The following IGSF10 variants were observed in gnomAD, a reference collection of about 807,000 sequenced individuals.
The protein encoded by IGSF10 is immunoglobulin superfamily member 10.
A neutral mutation model predicts 128.2 loss-of-function variants in IGSF10; 126 were observed. The ratio of observed to expected loss-of-function variants is 0.98; its 90% CI spans 0.85 to 1.14. IGSF10 has a LOEUF of 1.14. Among genes scored for constraint, IGSF10 ranks in the 50% most tolerant of loss-of-function variants. The pLI, the probability that IGSF10 is intolerant of heterozygous loss-of-function variation, is 0.00. For missense variants in IGSF10, 3,295 were observed against 3,149.8 expected, an observed-to-expected ratio of 1.05 and a Z score of -1.10; for synonymous variants, 1,185 against 1,146.2, an observed-to-expected ratio of 1.03 and a Z score of -0.68.
chr3:151,457,193 C>CT, intron 3 of IGSF10, 38 bp from the exon 4 acceptor site: 1 of 1,605,556 alleles, frequency 6.2e-7, no homozygotes, highest in Non-Finnish European at 8.5e-7. Flanking sequence ...TAAGCTAAGT[C>CT]TGTCAACTAA....
chr3:151,470,862 C>T, the IGSF10 span, among the ~76,000 whole-genome samples: 7 of 152,140 alleles, frequency 4.6e-5, no homozygotes, highest in East Asian at 3.9e-4. Context: ...CAACCAAACC[C>T]GCATTTTTCA....
the IGSF10 span, among the ~76,000 whole-genome samples, chr3:151,539,658 C>A: frequency 1.3e-5 from 2 of 152,094 alleles, no homozygotes; most frequent in Non-Finnish European, 2.9e-5. Context: ...AATCCGACCA[C>A]CCCCACCTCC....
At chr3:151,522,783 AGGATGCCCT>A in the IGSF10 span, among the ~76,000 whole-genome samples, 1 of 152,154 alleles carries the variant, frequency 6.6e-6, no homozygotes, top group Non-Finnish European at 1.5e-5. Context: ...GCACAAGACC[AGGATGCCCT>A]CTTTTACCAC....
chr3:151,496,424 C>CACT, the IGSF10 span, among the ~76,000 whole-genome samples: 1 of 144,942 alleles, frequency 6.9e-6, no homozygotes, highest in Non-Finnish European at 1.5e-5. Context: ...GTTCAATTCC[C>CACT]TATGAGTGAG....
At chr3:151,498,380 T>C in the IGSF10 span, among the ~76,000 whole-genome samples, 2 of 151,646 alleles carry the variant, frequency 1.3e-5, no homozygotes, top group Admixed American at 6.6e-5. Context: ...TTTAGACCAA[T>C]ATCCCTGATG....
At chr3:151,470,873 G>C in the IGSF10 span, among the ~76,000 whole-genome samples, 3 of 152,130 alleles carry the variant, frequency 2.0e-5, no homozygotes, top group Non-Finnish European at 2.9e-5. Context: ...GCATTTTTCA[G>C]TAAGCAGACT....
the IGSF10 span, among the ~76,000 whole-genome samples, chr3:151,616,448 T>A: frequency 1.1e-4 from 16 of 152,324 alleles, no homozygotes; most frequent in Non-Finnish European, 8.8e-5. Context: ...TGGACATTCA[T>A]TAAGTAAAAA....
At chr3:151,538,402 T>C in the IGSF10 span, among the ~76,000 whole-genome samples, 3 of 152,158 alleles carry the variant, frequency 2.0e-5, no homozygotes, top group African/African-American at 7.2e-5. Flanking sequence ...TTCATTTGGT[T>C]TTTAATTCTC....
At chr3:151,484,875 A>C in the IGSF10 span, among the ~76,000 whole-genome samples, 1 of 152,200 alleles carries the variant, frequency 6.6e-6, no homozygotes, top group South Asian at 2.1e-4. Flanking sequence ...TGAAAATTCC[A>C]AAAACTGGAA....
At position 151,437,406 on chromosome 3, in the gene IGSF10, A is replaced by ACTT. The variant is rs749050566; in HGVS notation, c.7152_7154dup (p.Gln2384_Ser2385insArg). On this transcript the variant is annotated inframe_insertion, in exon 8 of 8. Transcript: ENST00000282466. ...CATTGCTTGCTATCAGATACTGATA[A>ACTT]CTTTGTGGTCCATTGGAAAATCGTG... is the stretch of plus-strand genomic sequence containing the variant. The ACTT allele has an allele frequency of 3.1e-6, 5 of 1,614,166 alleles. No homozygotes were observed. In the South Asian group the frequency reaches 5.5e-5, roughly 18 times the overall value.
Position 151,447,547 on chromosome 3 carries a change from T to C in IGSF10, c.2434A>G (p.Lys812Glu), listed in dbSNP as rs748675764. 1.2e-6 allele frequency: 2 copies of C among 1,614,186 alleles called. No individual in the cohort carries two copies. Among genetic ancestry groups the C allele is most frequent in the South Asian group, 2.2e-5 (2 of 91,088 alleles). The stretch of plus-strand genomic sequence containing the variant: ...GTCCTTGCTGGAAGGTTCAAAGCTT[T>C]AGTGGCCGGGACCATAAATTCCTCA... Reference protein sequence around the residue: ...LHEEFMVPATKALNLPARTVT... With the variant: ...LHEEFMVPATEALNLPARTVT... The change falls in exon 6 of 8, where the codon AAA becomes GAA. Residue 812 changes from lysine to glutamate, a missense_variant. Physicochemically the swap from Lys to Glu is moderately conservative, Grantham distance 56. Transcript: ENST00000282466.
the IGSF10 span, among the ~76,000 whole-genome samples, chr3:151,607,027 C>A: frequency 1.3e-5 from 2 of 152,192 alleles, no homozygotes; most frequent in Non-Finnish European, 2.9e-5. Context: ...CTCAGGCACA[C>A]TACTTCCCTG....
chr3:151,483,502 A>G, the IGSF10 span, among the ~76,000 whole-genome samples: 1 of 152,200 alleles, frequency 6.6e-6, no homozygotes, highest in Non-Finnish European at 1.5e-5. Context: ...GTAGAAAAGA[A>G]AAGAGGGGGG....
the IGSF10 span, among the ~76,000 whole-genome samples, chr3:151,556,660 C>T: frequency 1.3e-5 from 2 of 152,152 alleles, no homozygotes; most frequent in African/African-American, 4.8e-5. Flanking sequence ...GTACATAGCA[C>T]TGGAGAGTAA....
the IGSF10 span, among the ~76,000 whole-genome samples, chr3:151,595,790 A>G: frequency 0.27 from 39,954 of 150,338 alleles, 5,769 homozygotes; most frequent in South Asian, 0.53. Context: ...TAGGGGAAGG[A>G]GAAGGAGAAG....
rs770018336 is a variant in IGSF10 at position 151,438,180 on chromosome 3, T to C, written c.6381A>G (p.Lys2127=). Residue 2127 remains lysine, a synonymous_variant, in exon 8 of 8, where the codon AAA becomes AAG. Transcript: ENST00000282466. The part of the protein sequence containing the change: ...YTCYAQNTLG[K]DEMKVHLTVI... ...CTGTTAAGTGGACCTTCATTTCATCTTTCCCTAGGGTGTTCTGGGCATAGC... is the reference window on the plus strand; with the variant it reads ...CTGTTAAGTGGACCTTCATTTCATCCTTCCCTAGGGTGTTCTGGGCATAGC... 2.5e-6 allele frequency: 4 copies of C among 1,614,212 alleles called. No homozygotes were observed. Among genetic ancestry groups the C allele is most frequent in the Non-Finnish European group, 3.4e-6 (4 of 1,180,026 alleles).
At chr3:151,516,361 C>T in the IGSF10 span, among the ~76,000 whole-genome samples, 1 of 152,000 alleles carries the variant, frequency 6.6e-6, no homozygotes, top group Non-Finnish European at 1.5e-5. Context: ...CCCCACCTCC[C>T]CAGCCCCACT....
chr3:151,468,277 C>G, the IGSF10 span, among the ~76,000 whole-genome samples: 1 of 152,186 alleles, frequency 6.6e-6, no homozygotes, highest in African/African-American at 2.4e-5. Flanking sequence ...AGCTAACAAG[C>G]TGACCCTTCA....
intron 7 of IGSF10, among the ~76,000 whole-genome samples, chr3:151,439,085 T>C (rs1720670628): frequency 6.6e-6 from 1 of 152,158 alleles, no homozygotes; most frequent in Non-Finnish European, 1.5e-5. Context: ...TGAATCTCCG[T>C]TACATAGTAA....
Sources: gnomAD v4.1 joint callset for allele counts (sites outside exome capture counted in the v4.1 genomes callset) on GRCh38, gnomAD v4.1.1 for gene constraint, MANE v1.5 for transcripts, NCBI Gene and HGNC (gene_info 2026-07-23, HGNC 2026-07-21) for gene names.